The following TBC1D22B variants were observed in gnomAD, a reference collection of about 807,000 sequenced individuals.
TBC1D22B encodes the protein TBC1 domain family member 22B.
A neutral mutation model predicts 69.1 loss-of-function variants in TBC1D22B; 32 were observed. That is an observed-to-expected ratio of 0.46 (90% CI 0.35 to 0.62). The LOEUF (loss-of-function observed/expected upper bound fraction) is 0.62, where lower values mean the gene tolerates loss of function less well. Ranked by LOEUF, TBC1D22B falls within the 20% of genes least tolerant of loss-of-function variation. The pLI is 0.00. For synonymous variants in TBC1D22B, 206 were observed against 229.8 expected, an observed-to-expected ratio of 0.90 and a Z score of 0.94; for missense variants, 462 against 630.9, an observed-to-expected ratio of 0.73 and a Z score of 2.87.
At chr6:37,273,141 T>C (rs1480470807) in intron 2 of TBC1D22B, among the ~76,000 whole-genome samples, 1 of 133,904 alleles carries the variant, frequency 7.5e-6, no homozygotes, top group African/African-American at 2.9e-5. Flanking sequence ...GTAGTGTGAG[T>C]GTGATTCTGA....
At chr6:37,318,078 T>A (rs1490937354) in intron 12 of TBC1D22B, among the ~76,000 whole-genome samples, 4 of 152,174 alleles carry the variant, frequency 2.6e-5, no homozygotes, top group African/African-American at 4.8e-5. Flanking sequence ...ACAATCTGAC[T>A]TAGTTTCAGT....
intron 12 of TBC1D22B, among the ~76,000 whole-genome samples, chr6:37,321,683 A>T (rs1013724957): frequency 6.6e-6 from 1 of 152,134 alleles, no homozygotes; most frequent in South Asian, 2.1e-4. Flanking sequence ...TCCAGGGTGG[A>T]CTGCAGCAGG....
At chr6:37,297,927 C>T (rs1206360797) in intron 8 of TBC1D22B, among the ~76,000 whole-genome samples, 4 of 152,160 alleles carry the variant, frequency 2.6e-5, no homozygotes, top group African/African-American at 9.7e-5. Context: ...CCATCATTCT[C>T]AGCAAACTAA....
chr6:37,303,914 T>C (rs1168827732), intron 8 of TBC1D22B, among the ~76,000 whole-genome samples: 1 of 152,220 alleles, frequency 6.6e-6, no homozygotes, highest in Non-Finnish European at 1.5e-5. Context: ...TCCCTCCTAC[T>C]CTCTGCCACC....
In TBC1D22B at chr6:37,282,350, A is replaced by G. The variant is rs1766863408; in HGVS notation, c.587A>G (p.Gln196Arg). 1 of 1,607,480 alleles carries G rather than the reference A, an allele frequency of 6.2e-7. No individual in the cohort carries two copies. Residue 196 changes from glutamine (Q) to arginine (R), a missense_variant, in exon 4 of 13, where the codon CAG becomes CGG. Physicochemically the swap from Gln to Arg is conservative, Grantham distance 43. Coordinates refer to ENST00000373491, the MANE Select transcript of TBC1D22B (RefSeq NM_017772.4). ...AAATTCCGTCAACTTCTCTCCAGCC[A>G]GAACACTGACTTAGGTGAGTCCCTG... Reference protein sequence around the residue: ...LEKFRQLLSSQNTDLDELRKC... With the variant: ...LEKFRQLLSSRNTDLDELRKC...
At chr6:37,283,010 T>A (rs1766885626) in intron 5 of TBC1D22B, 58 bp downstream of exon 5, 4 of 1,512,018 alleles carry the variant, frequency 2.6e-6, no homozygotes, top group Admixed American at 1.7e-5. Flanking sequence ...TCTTGCCTGA[T>A]GAGGTTAGTC....
At chr6:37,327,769 G>C (rs1768471810) in intron 12 of TBC1D22B, among the ~76,000 whole-genome samples, 1 of 152,148 alleles carries the variant, frequency 6.6e-6, no homozygotes, top group Non-Finnish European at 1.5e-5. Flanking sequence ...TTTGCCTGGA[G>C]GGTTGGAGAG....
intron 12 of TBC1D22B, among the ~76,000 whole-genome samples, chr6:37,321,262 ACT>A (rs541403578): frequency 9.3e-4 from 141 of 151,324 alleles, no homozygotes; most frequent in Non-Finnish European, 1.4e-3. Flanking sequence ...CCTGGAATCC[ACT>A]CTCTGAACCA....
chr6:37,296,229 T>C (rs1014990516), intron 8 of TBC1D22B, among the ~76,000 whole-genome samples: 11 of 152,144 alleles, frequency 7.2e-5, no homozygotes, highest in African/African-American at 2.7e-4. Flanking sequence ...ACCACTGTAC[T>C]CCTGCCTGGG....
chr6:37,317,461 C>G (rs1404980999), intron 12 of TBC1D22B, among the ~76,000 whole-genome samples: 1 of 152,150 alleles, frequency 6.6e-6, no homozygotes, highest in Non-Finnish European at 1.5e-5. Context: ...ATCTTTCAGT[C>G]ATTCACTGAC....
chr6:37,289,984 T>A (rs1767126590), intron 7 of TBC1D22B, among the ~76,000 whole-genome samples: 2 of 152,192 alleles, frequency 1.3e-5, no homozygotes, highest in Non-Finnish European at 2.9e-5. Context: ...GGCAGCAGTG[T>A]TGACAGTGAA....
chr6:37,284,332 A>G lies in TBC1D22B; in HGVS notation c.673-4A>G, dbSNP rs776655030. The G allele has an allele frequency of 6.2e-7, 1 of 1,614,176 alleles. No individual in the cohort carries two copies. Among genetic ancestry groups the G allele is most frequent in the South Asian group, 1.1e-5 (1 of 91,084 alleles). ...CCCCATCTGACCAGCAGTCTTGTCTATAGGGCTATCTCCCAGCAAACACTG... is the reference window on the plus strand; with the variant it reads ...CCCCATCTGACCAGCAGTCTTGTCTGTAGGGCTATCTCCCAGCAAACACTG... On this transcript the variant is annotated splice_polypyrimidine_tract_variant and splice_region_variant and intron_variant, in intron 5 of 12. Coordinates refer to ENST00000373491, the MANE Select transcript of TBC1D22B (RefSeq NM_017772.4).
At chr6:37,278,601 G>C (rs1275956886) in intron 2 of TBC1D22B, among the ~76,000 whole-genome samples, 2 of 152,082 alleles carry the variant, frequency 1.3e-5, no homozygotes, top group African/African-American at 4.8e-5. Flanking sequence ...TAGGCTGAAG[G>C]AGGTTCTACC....
At chr6:37,270,921 A>G (rs1022116848) in intron 2 of TBC1D22B, among the ~76,000 whole-genome samples, 2 of 152,148 alleles carry the variant, frequency 1.3e-5, no homozygotes, top group Non-Finnish European at 2.9e-5. Flanking sequence ...AGACAGTGAG[A>G]AGATCAGTTG....
intron 1 of TBC1D22B, among the ~76,000 whole-genome samples, chr6:37,258,457 G>T (rs1217508323): frequency 6.6e-6 from 1 of 152,180 alleles, no homozygotes; most frequent in Non-Finnish European, 1.5e-5. Flanking sequence ...AGAGGGTTAG[G>T]CAGGAAAAGT....
intron 1 of TBC1D22B, among the ~76,000 whole-genome samples, chr6:37,261,993 G>C (rs1766116541): frequency 9.8e-6 from 1 of 101,980 alleles, no homozygotes; most frequent in Non-Finnish European, 2.0e-5. Context: ...GTGTGTGTGT[G>C]TGTCTAGAGC....
At chr6:37,307,516 C>T (rs541732535) in intron 8 of TBC1D22B, among the ~76,000 whole-genome samples, 14 of 151,966 alleles carry the variant, frequency 9.2e-5, no homozygotes, top group South Asian at 4.2e-4. Context: ...CCACCATGCC[C>T]GGCTAATTTT....
intron 8 of TBC1D22B, among the ~76,000 whole-genome samples, chr6:37,299,251 A>G (rs943450645): frequency 6.6e-6 from 1 of 152,094 alleles, no homozygotes; most frequent in Non-Finnish European, 1.5e-5. Flanking sequence ...TATTTTTTCT[A>G]ATGGATTATT....
At position 37,313,824 on chromosome 6, in the gene TBC1D22B, C is replaced by T. The variant is rs759938070; in HGVS notation, c.1098C>T (p.Tyr366=). ...SKLLDGIQDN[Y]TFAQPGIQKK... is the part of the protein sequence containing the mutation. ...CTCTGTGTCATTTGCAGGATAACTA[C>T]ACCTTTGCACAACCAGGAATCCAGA... is the stretch of plus-strand genomic sequence containing the variant. The change falls in exon 10 of 13, where the codon TAC becomes TAT. Residue 366 remains tyrosine (Y), a synonymous_variant. Transcript: ENST00000373491. The T allele has an allele frequency of 1.2e-6, 2 of 1,614,028 alleles. No homozygotes were observed. The highest frequency in any genetic ancestry group is 2.2e-5 in the East Asian group (1 of 44,902).
Sources: allele counts gnomAD v4.1 joint callset (sites outside exome capture counted in the v4.1 genomes callset), GRCh38; gene constraint gnomAD v4.1.1; transcripts MANE v1.5; gene names NCBI Gene and HGNC (gene_info 2026-07-23, HGNC 2026-07-21).